Variants in AMMECR1 observed in about 807,000 individuals in gnomAD.
The protein encoded by AMMECR1 is nuclear protein AMMECR1.
AMMECR1 carries 3 observed loss-of-function variants against 22.5 expected under a neutral mutation model. That is an observed-to-expected ratio of 0.13 (90% CI 0.06 to 0.35). AMMECR1 has a LOEUF of 0.35. Among genes scored for constraint, AMMECR1 ranks in the 10% least tolerant of loss-of-function variants. The pLI is 1.00. For synonymous variants in AMMECR1, 130 were observed against 116.7 expected (o/e 1.11, Z -0.74); for missense variants, 235 against 278.7 (o/e 0.84, Z 1.12).
intron 2 of AMMECR1, among the ~76,000 whole-genome samples, chrX:110,340,191 G>C (rs2068159013): frequency 9.0e-6 from 1 of 111,063 alleles, no homozygotes. Flanking sequence ...CGATAACAGT[G>C]CTCACCTCCT....
intron 2 of AMMECR1, among the ~76,000 whole-genome samples, chrX:110,379,905 C>T (rs898338222): frequency 2.7e-5 from 3 of 111,203 alleles, no homozygotes; most frequent in African/African-American, 9.8e-5. Flanking sequence ...CTATATATAT[C>T]ATAAAATTTA....
At chrX:110,321,103 CT>C (rs1272862959), upstream of AMMECR1, among the ~76,000 whole-genome samples, 1 of 111,951 alleles carries the variant, frequency 8.9e-6, no homozygotes, top group Non-Finnish European at 1.9e-5. Flanking sequence ...CAAACATAAA[CT>C]AAATCCACAG....
At chrX:110,327,878 A>G (rs1488945859) in intron 2 of AMMECR1, among the ~76,000 whole-genome samples, 1 of 111,795 alleles carries the variant, frequency 8.9e-6, no homozygotes, top group East Asian at 2.8e-4. Context: ...ATCGATTATT[A>G]TTCTCTTCTA....
intron 2 of AMMECR1, among the ~76,000 whole-genome samples, chrX:110,387,974 G>A (rs2068468935): frequency 1.9e-5 from 2 of 105,145 alleles, no homozygotes; most frequent in Admixed American, 2.1e-4. Context: ...CCATTCTCCT[G>A]CCTCAGCCTC....
At chrX:110,216,443 T>C (rs2067473829) in intron 3 of AMMECR1, 75 bp downstream of exon 3, 1 of 742,915 alleles carries the variant, frequency 1.3e-6, no homozygotes, top group African/African-American at 2.1e-5. Context: ...GAAAGAGTTA[T>C]TTTCTGGGCC....
intron 3 of AMMECR1, among the ~76,000 whole-genome samples, chrX:110,214,333 C>T (rs1013496212): frequency 9.0e-6 from 1 of 111,205 alleles, no homozygotes; most frequent in Non-Finnish European, 1.9e-5. Context: ...TATTTAAGCC[C>T]CCTAAAATAT....
At chrX:110,372,226 T>C (rs753535917) in intron 2 of AMMECR1, among the ~76,000 whole-genome samples, 82 of 112,876 alleles carry the variant, frequency 7.3e-4, no homozygotes, top group Non-Finnish European at 2.4e-4. Flanking sequence ...TTATCTTTTT[T>C]GCTTTGTGAG....
At chrX:110,434,592 C>T (rs1388453776) in intron 1 of AMMECR1, among the ~76,000 whole-genome samples, 1 of 111,333 alleles carries the variant, frequency 9.0e-6, no homozygotes, top group Non-Finnish European at 1.9e-5. Context: ...AGCTTGGGTC[C>T]GTGGTGATAC....
intron 2 of AMMECR1, among the ~76,000 whole-genome samples, chrX:110,360,515 G>C (rs1239620370): frequency 9.0e-6 from 1 of 111,566 alleles, no homozygotes; most frequent in Non-Finnish European, 1.9e-5. Context: ...GGACAGAATT[G>C]AGTTATATTT....
At chrX:110,245,874 C>T (rs1471476980) in intron 2 of AMMECR1, among the ~76,000 whole-genome samples, 1 of 111,166 alleles carries the variant, frequency 9.0e-6, no homozygotes, top group Non-Finnish European at 1.9e-5. Flanking sequence ...GAACTACAAC[C>T]GAAACTTCAC....
rs760383621 is a variant in AMMECR1 at position 110,250,219 on chromosome X, A to T, written c.584+14270T>A. ...TTTTAAGCATCAAGTCACATATAAT[A>T]TGGGTACTTTCTATTCTGGAATTTG... On this transcript the variant is annotated intron_variant, in intron 2 of 5. Coordinates refer to ENST00000262844, the MANE Select transcript of AMMECR1 (RefSeq NM_015365.3). Among the ~76,000 whole-genome samples the T allele has an allele frequency of 4.5e-5, 5 of 112,142 alleles. No homozygotes were observed. The East Asian group carries it at 1.4e-3, about 31-fold the overall frequency.
chrX:110,426,079 AT>A (rs1393302387), intron 2 of AMMECR1, among the ~76,000 whole-genome samples: 10 of 111,872 alleles, frequency 8.9e-5, no homozygotes, highest in African/African-American at 2.9e-4. Flanking sequence ...TTGTGGCTTG[AT>A]TTCTTCTGGA....
intron 3 of AMMECR1, among the ~76,000 whole-genome samples, chrX:110,211,077 A>T (rs1313996929): frequency 8.9e-6 from 1 of 112,269 alleles, no homozygotes; most frequent in Non-Finnish European, 1.9e-5. Context: ...GATATAGGAG[A>T]AAGTGACTAA....
At chrX:110,275,585 C>T (rs1185842203) in intron 1 of AMMECR1, among the ~76,000 whole-genome samples, 1 of 111,216 alleles carries the variant, frequency 9.0e-6, no homozygotes, top group Non-Finnish European at 1.9e-5. Context: ...AATCCTAGCA[C>T]TTTGGGAGGC....
At position 110,202,536 on chromosome X, in the gene AMMECR1, C is replaced by T. The variant is rs768604692; in HGVS notation, c.700G>A (p.Val234Met). 8.5e-7 allele frequency: 1 copy of T among 1,180,866 alleles called. No homozygotes were observed. Among genetic ancestry groups the T allele is most frequent in the South Asian group, 1.8e-5 (1 of 55,309 alleles). Reference sequence around the variant, plus strand: ...TCTATTCTAATGCCATGTACACCCACCTGAAAGAAATTGGCAGTTTTATTA... The same window carrying T: ...TCTATTCTAATGCCATGTACACCCATCTGAAAGAAATTGGCAGTTTTATTA... ...EDVCDYLDWE[V>M]GVHGIRIEFI... Residue 234 changes from valine (V) to methionine (M), a missense_variant and splice_region_variant, in exon 4 of 6, where the codon GTG becomes ATG. Around this residue, in one of 2 missense-constraint regions of AMMECR1, gnomAD observed 111 missense variants for 181.7 expected, o/e 0.61. Transcript: ENST00000262844.
At chrX:110,249,724 A>T (rs984536321) in intron 2 of AMMECR1, among the ~76,000 whole-genome samples, 2 of 111,837 alleles carry the variant, frequency 1.8e-5, no homozygotes, top group African/African-American at 6.5e-5. Context: ...ACATTGTGAA[A>T]CCCCGTCTCC....
intron 1 of AMMECR1, among the ~76,000 whole-genome samples, chrX:110,300,704 T>C (rs2067961745): frequency 8.9e-6 from 1 of 112,367 alleles, no homozygotes; most frequent in South Asian, 3.7e-4. Flanking sequence ...AACATACCTA[T>C]ATTTGTTTCA....
chrX:110,296,221 A>C (rs1313671645), intron 1 of AMMECR1, among the ~76,000 whole-genome samples: 1 of 112,061 alleles, frequency 8.9e-6, no homozygotes, highest in African/African-American at 3.2e-5. Flanking sequence ...AACATTTTGA[A>C]TATGTCATCC....
chrX:110,237,468 G>A (rs923751278), intron 2 of AMMECR1, among the ~76,000 whole-genome samples: 1 of 110,852 alleles, frequency 9.0e-6, no homozygotes, highest in Non-Finnish European at 1.9e-5. Context: ...TGCATGCCTC[G>A]TGGGGCTGTC....
Sources: gnomAD v4.1 joint callset for allele counts (sites outside exome capture counted in the v4.1 genomes callset) on GRCh38, gnomAD v4.1.1 for gene constraint, gnomAD v4.1.1 regional missense constraint, MANE v1.5 for transcripts, NCBI Gene and HGNC (gene_info 2026-07-23, HGNC 2026-07-21) for gene names.